The following HERC2 variants were observed in gnomAD, a reference collection of about 807,000 sequenced individuals.
The protein encoded by HERC2 is HECT and RLD domain containing E3 ubiquitin protein ligase 2.
Under a neutral mutation model 537.7 loss-of-function variants are expected in HERC2, and 102 were observed. That is an observed-to-expected ratio of 0.19 (90% confidence interval 0.16 to 0.22). HERC2 has a LOEUF of 0.22. Ranked by LOEUF, HERC2 falls within the 10% of genes least tolerant of loss-of-function variation. The probability of loss-of-function intolerance (pLI) is 1.00; values close to 1 mark genes in which losing one functional copy is unlikely to be tolerated. For synonymous variants in HERC2, 2,224 were observed against 2,466.2 expected (o/e 0.90, Z 2.91); for missense variants, 4,236 against 6,198.2 (o/e 0.68, Z 10.63).
intron 86 of HERC2, among the ~76,000 whole-genome samples, chr15:28,120,842 C>A (rs944511809): frequency 1.3e-5 from 2 of 152,184 alleles, no homozygotes; most frequent in Non-Finnish European, 2.9e-5. Flanking sequence ...TGGGCACGGC[C>A]CCCCAGCACC....
chr15:28,188,889 AC>A (rs1445397816), intron 55 of HERC2, among the ~76,000 whole-genome samples: 1 of 152,128 alleles, frequency 6.6e-6, no homozygotes, highest in Non-Finnish European at 1.5e-5. Context: ...GGAGTTCGAG[AC>A]CAGCCTGGCC....
intron 2 of HERC2, among the ~76,000 whole-genome samples, chr15:28,300,113 G>A (rs1273957266): frequency 6.6e-6 from 1 of 151,262 alleles, no homozygotes; most frequent in Non-Finnish European, 1.5e-5. Flanking sequence ...ACACACACGT[G>A]CATGTGCTCT....
At chr15:28,115,893 C>A (rs1888181134) in intron 88 of HERC2, among the ~76,000 whole-genome samples, 1 of 152,188 alleles carries the variant, frequency 6.6e-6, no homozygotes, top group Non-Finnish European at 1.5e-5. Flanking sequence ...TGTGGTGGGA[C>A]GCACAGCCGA....
At chr15:28,263,716 A>G (rs1235618842) in intron 14 of HERC2, among the ~76,000 whole-genome samples, 1 of 152,174 alleles carries the variant, frequency 6.6e-6, no homozygotes, top group African/African-American at 2.4e-5. Context: ...CTTTGCAAAA[A>G]CTTAAAGTGA....
intron 5 of HERC2, 52 bp downstream of exon 5, chr15:28,280,016 C>T: frequency 7.1e-7 from 1 of 1,415,486 alleles, no homozygotes; most frequent in Non-Finnish European, 9.8e-7. Context: ...ACAAAACAGT[C>T]TGAATTTTAT....
intron 3 of HERC2, among the ~76,000 whole-genome samples, chr15:28,299,027 T>C (rs1168593674): frequency 6.6e-6 from 1 of 152,148 alleles, no homozygotes; most frequent in African/African-American, 2.4e-5. Flanking sequence ...ATGGGGACTC[T>C]GAAACACAGC....
At position 28,191,061 on chromosome 15, in the gene HERC2, G is replaced by A. The variant is rs200911598; in HGVS notation, c.8558-5C>T. On this transcript the variant is annotated splice_region_variant and splice_polypyrimidine_tract_variant and intron_variant, in intron 54 of 92. Coordinates refer to ENST00000261609, the MANE Select transcript of HERC2 (RefSeq NM_004667.6). ...GGTTATTCAGGGAATTTCCACCTAG[G>A]AAAAAATGGGTAAAGAATCAAACAA... 1.9e-6 allele frequency: 3 copies of A among 1,604,850 alleles called. No homozygotes were observed. The highest frequency in any genetic ancestry group is 1.7e-6 in the Non-Finnish European group (2 of 1,172,244).
chr15:28,182,394 G>A lies in HERC2; in HGVS notation c.8937+7C>T. The A allele has an allele frequency of 1.2e-6, 2 of 1,605,314 alleles. No homozygotes were observed. Among genetic ancestry groups the A allele is most frequent in the African/African-American group, 1.3e-5 (1 of 74,836 alleles). On this transcript the variant is annotated splice_region_variant and intron_variant, in intron 57 of 92. Transcript: ENST00000261609. The stretch of plus-strand genomic sequence containing the variant: ...CACCCTGCTGGGTCCCAGGGAGCAG[G>A]CCGTACCTTGGAGCCTTTCAGCCCG...
chr15:28,297,015 C>T (rs1261358437), intron 3 of HERC2, among the ~76,000 whole-genome samples: 3 of 152,132 alleles, frequency 2.0e-5, no homozygotes, highest in Non-Finnish European at 2.9e-5. Context: ...GGCATACGCA[C>T]GAAAGATAAA....
chr15:28,125,283 C>A (rs549322643), intron 83 of HERC2, 90 bp from the exon 84 acceptor site: 3 of 1,023,904 alleles, frequency 2.9e-6, no homozygotes, highest in Admixed American at 1.8e-5. Context: ...ACAGCACCAA[C>A]GCTCCCTGCC....
At chr15:28,280,040 C>T in intron 5 of HERC2, 28 bp downstream of exon 5, 1 of 1,547,810 alleles carries the variant, frequency 6.5e-7, no homozygotes, top group Non-Finnish European at 8.9e-7. Flanking sequence ...TAACTGGCAT[C>T]AGGATTCTTT....
At chr15:28,143,143 A>T (rs1891394248) in intron 74 of HERC2, among the ~76,000 whole-genome samples, 191 bp from the exon 75 acceptor site, 1 of 152,122 alleles carries the variant, frequency 6.6e-6, no homozygotes, top group Admixed American at 6.5e-5. Flanking sequence ...AAAAAAGAGG[A>T]GTTTGAAGAC....
chr15:28,148,212 C>T (rs1380387459), intron 70 of HERC2, among the ~76,000 whole-genome samples: 1 of 151,858 alleles, frequency 6.6e-6, no homozygotes, highest in Non-Finnish European at 1.5e-5. Context: ...ATCAGACTTA[C>T]AAAAACCAAA....
At position 28,111,946 on chromosome 15, in the gene HERC2, C is replaced by T. The variant is rs760873211; in HGVS notation, c.14322G>A (p.Lys4774=). ...ACTTGAGCTTCTCCTCCAGCACCTG[C>T]TTGCAGGAATACCTGGGCAGCTTCA... ...FLLKLPRYSC[K]QVLEEKLKYA... The change falls in exon 93 of 93, where the codon AAG becomes AAA. Residue 4774 remains lysine, a synonymous_variant. Coordinates refer to ENST00000261609, the MANE Select transcript of HERC2 (RefSeq NM_004667.6). 7.4e-6 allele frequency: 12 copies of T among 1,614,026 alleles called. No homozygotes were observed. The highest frequency in any genetic ancestry group is 1.0e-5 in the Non-Finnish European group (12 of 1,180,036).
At chr15:28,271,947 G>T (rs796328309) in intron 9 of HERC2, 2 of 482,216 alleles carry the variant, frequency 4.1e-6, no homozygotes, top group Non-Finnish European at 7.3e-6. Flanking sequence ...AAAGCAGGCC[G>T]CTATTTTCGT....
At chr15:28,271,401 G>A (rs989849446) in intron 9 of HERC2, among the ~76,000 whole-genome samples, 2 of 152,196 alleles carry the variant, frequency 1.3e-5, no homozygotes, top group Non-Finnish European at 2.9e-5. Context: ...GGTGGCTCAC[G>A]CCTGTAATCC....
chr15:28,177,151 T>C lies in HERC2; in HGVS notation c.9255-24A>G. The C allele has an allele frequency of 4.4e-6, 7 of 1,598,448 alleles. No individual in the cohort carries two copies. Among genetic ancestry groups the C allele is most frequent in the Non-Finnish European group, 6.0e-6 (7 of 1,169,756 alleles). On this transcript the variant is annotated intron_variant, in intron 60 of 92. Transcript: ENST00000261609. The surrounding 1 kb of genome is among the most constrained non-coding windows in gnomAD (Gnocchi z 5.0). ...TCCTACAACAAGATGAAATCAGCTC[T>C]CTACAGTCAATCTGTCCCTTCTTAG... is the stretch of plus-strand genomic sequence containing the variant.
chr15:28,116,047 C>T (rs953388635), intron 88 of HERC2, among the ~76,000 whole-genome samples: 1 of 152,202 alleles, frequency 6.6e-6, no homozygotes, highest in East Asian at 1.9e-4. Flanking sequence ...GAGGCAGTCT[C>T]CAGTCCTCAG....
rs1396102669 is a variant in HERC2, at chr15:28,213,846, A to T, written c.6682T>A (p.Phe2228Ile). The change falls in exon 42 of 93, where the codon TTT becomes ATT. Residue 2228 changes from phenylalanine (F) to isoleucine (I), a missense_variant. By Grantham distance (21) the Phe-to-Ile change is conservative. Transcript: ENST00000261609. ...RLGGQVMHDE[F>I]GEGTVTRITP... ...ATGCGAGTCACAGTGCCTTCTCCAA[A>T]CTCATCGTGCATAACTTGACCGCCC... 1 of 1,613,734 alleles carries T rather than the reference A, an allele frequency of 6.2e-7. No individual in the cohort carries two copies. The highest frequency in any genetic ancestry group is 1.7e-5 in the Admixed American group (1 of 60,004).
Sources: allele counts gnomAD v4.1 joint callset (sites outside exome capture counted in the v4.1 genomes callset), GRCh38; gene constraint gnomAD v4.1.1; non-coding constraint Gnocchi (gnomAD v3.1); transcripts MANE v1.5; gene names NCBI Gene and HGNC (gene_info 2026-07-23, HGNC 2026-07-21).